KCNMB3: variants seen among roughly 807,000 people sequenced by gnomAD.
The protein encoded by KCNMB3 is calcium-activated potassium channel subunit beta-3.
A neutral mutation model predicts 11.9 loss-of-function variants in KCNMB3; 18 were observed. The observed-to-expected ratio is 1.51, with a 90% CI of 1.04 to 2.23. The LOEUF (loss-of-function observed/expected upper bound fraction) is 2.23. Among genes scored for constraint, KCNMB3 ranks in the 30% most tolerant of loss-of-function variants. The pLI is 0.00. For synonymous variants in KCNMB3, 78 were observed against 119.2 expected (o/e 0.65, Z 2.25); for missense variants, 247 against 329.4 (o/e 0.75, Z 1.94).
chr3:179,245,002 A>G (rs1197441383), intron 1 of KCNMB3, among the ~76,000 whole-genome samples: 2 of 152,244 alleles, frequency 1.3e-5, no homozygotes, highest in South Asian at 2.1e-4. Flanking sequence ...AGAATGAAGA[A>G]TTTGTTAAAC....
In KCNMB3 at chr3:179,244,618, G is replaced by C. The variant is rs149683915; in HGVS notation, c.324C>G (p.Thr108=). The C allele has an allele frequency of 2.6e-4, 426 of 1,614,158 alleles. 3 individuals are homozygous for C. In the African/African-American group the frequency reaches 4.6e-3, roughly 17 times the overall value. The change falls in exon 2 of 3, where the codon ACC becomes ACG. Residue 108 remains threonine (T), a synonymous_variant. Coordinates refer to ENST00000392685, the MANE Select transcript of KCNMB3 (RefSeq NM_171830.2). ...IMDDWLDCAF[T]CGVHCHGQGK... ...CCTGACCGTGGCAGTGCACACCACA[G>C]GTGAAGGCACAGTCCAGCCAGTCGT...
chr3:179,257,022 C>T (rs1726032025), intron 1 of KCNMB3, among the ~76,000 whole-genome samples: 1 of 152,028 alleles, frequency 6.6e-6, no homozygotes, highest in South Asian at 2.1e-4. Context: ...AAACACCATC[C>T]AGTTGTAGTG....
At chr3:179,254,060 C>T (rs866100241), upstream of KCNMB3, among the ~76,000 whole-genome samples, 15 of 152,264 alleles carry the variant, frequency 9.9e-5, no homozygotes, top group Middle Eastern at 6.8e-3. Flanking sequence ...AGGGCATTTG[C>T]GGAACTTGGT....
chr3:179,260,310 C>T (rs1726162153), intron 1 of KCNMB3: 3 of 1,614,024 alleles, frequency 1.9e-6, no homozygotes, highest in Non-Finnish European at 2.5e-6. Flanking sequence ...GAGAGAAGCG[C>T]TCTCAAGAAT....
At chr3:179,253,709 G>A (rs1389669247), upstream of KCNMB3, among the ~76,000 whole-genome samples, 1 of 152,054 alleles carries the variant, frequency 6.6e-6, no homozygotes, top group Non-Finnish European at 1.5e-5. Context: ...AGGAGGCTGA[G>A]GCAGGAAAAT....
intron 1 of KCNMB3, chr3:179,260,987 T>C: frequency 1.0e-6 from 1 of 985,290 alleles, no homozygotes; most frequent in South Asian, 1.3e-5. Context: ...CGCCTCGGTG[T>C]CGATGGATAT....
chr3:179,251,268 T>C (rs1725834820), upstream of KCNMB3: 2 of 1,459,672 alleles, frequency 1.4e-6, no homozygotes. Context: ...TTCAGGGATA[T>C]TGCACGTCCC....
chr3:179,253,884 A>G (rs1015756756), upstream of KCNMB3, among the ~76,000 whole-genome samples: 3 of 152,336 alleles, frequency 2.0e-5, no homozygotes, highest in Middle Eastern at 0.01. Context: ...TGTAAAAGTA[A>G]CAGGCTTCTG....
intron 1 of KCNMB3, among the ~76,000 whole-genome samples, chr3:179,257,162 TA>T (rs1466564749): frequency 6.6e-6 from 1 of 152,312 alleles, no homozygotes; most frequent in African/African-American, 2.4e-5. Flanking sequence ...ACCCTATCTC[TA>T]AAAAAACTGT....
At chr3:179,264,088 A>G (rs1726306390) in intron 1 of KCNMB3, among the ~76,000 whole-genome samples, 1 of 151,980 alleles carries the variant, frequency 6.6e-6, no homozygotes, top group Non-Finnish European at 1.5e-5. Context: ...TTATAGGCAT[A>G]ATCCACCGCA....
chr3:179,261,162 G>C, intron 1 of KCNMB3: 2 of 1,328,240 alleles, frequency 1.5e-6, no homozygotes, highest in Non-Finnish European at 2.1e-6. Context: ...GGGATCTCAC[G>C]AGCCTCCGCG....
At chr3:179,253,478 G>A (rs1218973021), upstream of KCNMB3, among the ~76,000 whole-genome samples, 6 of 152,108 alleles carry the variant, frequency 3.9e-5, no homozygotes, top group Admixed American at 2.6e-4. Flanking sequence ...GTGTGGGGAA[G>A]GGATAATATA....
chr3:179,253,037 C>A (rs143662189), upstream of KCNMB3, among the ~76,000 whole-genome samples: 1,518 of 152,174 alleles, frequency 1.0e-2, 23 homozygotes, highest in South Asian at 0.067. Context: ...GCCACATTTT[C>A]TAATTTATCA....
upstream of KCNMB3, chr3:179,251,735 T>C: frequency 1.0e-6 from 1 of 981,956 alleles, no homozygotes; most frequent in East Asian, 3.3e-5. Context: ...TTGTGTTTTT[T>C]GGTTTTTTTT....
downstream of KCNMB3, chr3:179,240,074 A>T (rs939060436): frequency 2.5e-4 from 212 of 840,102 alleles, no homozygotes; most frequent in Admixed American, 5.1e-4. Flanking sequence ...GCTGTTTATT[A>T]AAAAAAAAAA....
chr3:179,260,976 A>G, intron 1 of KCNMB3: 1 of 1,007,730 alleles, frequency 9.9e-7, no homozygotes, highest in Non-Finnish European at 1.6e-6. Flanking sequence ...TCCCTGATGG[A>G]CGCCTCGGTG....
chr3:179,253,106 T>C (rs1387180555), upstream of KCNMB3, among the ~76,000 whole-genome samples: 1 of 152,184 alleles, frequency 6.6e-6, no homozygotes, highest in Non-Finnish European at 1.5e-5. Context: ...TTTGATGGTT[T>C]TTGTAGTTTC....
chr3:179,251,726 T>C, upstream of KCNMB3: 1 of 1,096,904 alleles, frequency 9.1e-7, no homozygotes, highest in Non-Finnish European at 1.2e-6. Flanking sequence ...TTTTTGTTTT[T>C]GTGTTTTTTG....
At chr3:179,241,008 T>G (rs1401125488), downstream of KCNMB3, 2 of 152,174 alleles carry the variant, frequency 1.3e-5, no homozygotes, top group African/African-American at 2.4e-5. Flanking sequence ...GTTCTGGGCC[T>G]TAAATGCGTA....
Sources: gnomAD v4.1 joint callset for allele counts (sites outside exome capture counted in the v4.1 genomes callset) on GRCh38, gnomAD v4.1.1 for gene constraint, MANE v1.5 for transcripts, NCBI Gene and HGNC (gene_info 2026-07-23, HGNC 2026-07-21) for gene names.